SSPN: variants seen among roughly 807,000 people sequenced by gnomAD.
SSPN encodes the protein sarcospan, also known as K-ras oncogene-associated protein.
In SSPN, 15 loss-of-function variants were observed where a neutral mutation model predicts 19.1. That is an observed-to-expected ratio of 0.78 (90% CI 0.52 to 1.21). The LOEUF (loss-of-function observed/expected upper bound fraction) is 1.21. SSPN is among the 50% of genes most tolerant of loss of function. SSPN has a pLI of 0.00. For synonymous variants in SSPN, 147 were observed against 140.3 expected (o/e 1.05, Z -0.34); for missense variants, 291 against 314.0 (o/e 0.93, Z 0.55).
chr12:26,129,709 A>G (rs1221849452), intron 1 of SSPN, among the ~76,000 whole-genome samples: 1 of 152,276 alleles, frequency 6.6e-6, no homozygotes, highest in African/African-American at 2.4e-5. Flanking sequence ...GTCTGTAGCC[A>G]TAAACATACC....
At chr12:26,137,656 ATTTTTTTTT>A (rs10597345) in intron 1 of SSPN, among the ~76,000 whole-genome samples, 27 of 76,424 alleles carry the variant, frequency 3.5e-4, no homozygotes, top group African/African-American at 1.5e-3. Context: ...ATATATATAT[ATTTTTTTTT>A]TTTTTTTTTT....
Position 26,234,422 on chromosome 12 carries a change from CT to C in SSPN, c.*3347del, listed in dbSNP as rs1443661815. On this transcript the variant is annotated 3_prime_UTR_variant, in exon 3 of 3. Coordinates refer to ENST00000242729, the MANE Select transcript of SSPN (RefSeq NM_005086.5). The stretch of plus-strand genomic sequence containing the variant: ...CAGTTCTTGCTATTCTCAGAGCACT[CT>C]ATCATGTTTTTAGGTGTATATTGTG... The C allele has an allele frequency of 1.3e-5, 2 of 152,130 alleles. No individual in the cohort carries two copies. 9.4% of individuals were successfully genotyped at this position (152,130 alleles called of 1,614,324 possible). A position where few individuals can be genotyped will look rare whatever the true frequency, so the allele number is the denominator to read the frequency against.
intron 1 of SSPN, among the ~76,000 whole-genome samples, chr12:26,201,872 T>C (rs1420058135): frequency 1.3e-5 from 2 of 152,208 alleles, no homozygotes; most frequent in Non-Finnish European, 2.9e-5. Context: ...AATGTTGAAC[T>C]GAAATCTATT....
intron 1 of SSPN, among the ~76,000 whole-genome samples, chr12:26,198,901 C>T (rs1005922440): frequency 1.3e-5 from 2 of 152,202 alleles, no homozygotes; most frequent in Admixed American, 6.5e-5. Flanking sequence ...AGGAGCCCCA[C>T]CAAACCGAAG....
At chr12:26,230,442 A>C (rs1008068489) in intron 2 of SSPN, among the ~76,000 whole-genome samples, 2 of 152,220 alleles carry the variant, frequency 1.3e-5, no homozygotes, top group Non-Finnish European at 2.9e-5. Context: ...AACATTCCAC[A>C]GTCCAGCTAA....
At chr12:26,177,893 C>G (rs1248529723) in intron 1 of SSPN, among the ~76,000 whole-genome samples, 1 of 152,212 alleles carries the variant, frequency 6.6e-6, no homozygotes, top group Non-Finnish European at 1.5e-5. Context: ...CTAACGTCCA[C>G]TAACGACAGC....
intron 1 of SSPN, chr12:26,123,568 A>T: frequency 8.5e-7 from 1 of 1,171,174 alleles, no homozygotes; most frequent in Non-Finnish European, 1.3e-6. Flanking sequence ...GAGTCCTGAC[A>T]CTGCTCCCCT....
At chr12:26,228,594 C>T (rs1429036315) in intron 2 of SSPN, among the ~76,000 whole-genome samples, 1 of 151,884 alleles carries the variant, frequency 6.6e-6, no homozygotes, top group African/African-American at 2.4e-5. Context: ...TACCATTGTT[C>T]CCAGAGCAAA....
intron 1 of SSPN, among the ~76,000 whole-genome samples, chr12:26,219,334 T>A (rs1425423194): frequency 3.3e-5 from 5 of 151,900 alleles, no homozygotes; most frequent in African/African-American, 2.4e-5. Context: ...GGAAAAAAAA[T>A]AATAAGCAGG....
At chr12:26,145,502 C>T (rs377247892) in intron 1 of SSPN, among the ~76,000 whole-genome samples, 24 of 152,124 alleles carry the variant, frequency 1.6e-4, no homozygotes, top group Admixed American at 1.0e-3. Context: ...CAGTGGTGTC[C>T]GCTATGCCTG....
intron 1 of SSPN, among the ~76,000 whole-genome samples, chr12:26,214,566 C>A (rs1178940507): frequency 6.6e-6 from 1 of 152,204 alleles, no homozygotes; most frequent in Non-Finnish European, 1.5e-5. Flanking sequence ...AGTCAAGATG[C>A]AAACTTTAAT....
At chr12:26,230,318 C>T (rs1251234696) in intron 2 of SSPN, among the ~76,000 whole-genome samples, 1 of 152,206 alleles carries the variant, frequency 6.6e-6, no homozygotes, top group African/African-American at 2.4e-5. Context: ...ACTTCCTAGT[C>T]TTGTTTCAGT....
At chr12:26,182,617 CCCTTCCCTTCCCTTCCCTTCCCTTCCCT>C (rs1944726628) in intron 1 of SSPN, among the ~76,000 whole-genome samples, 1 of 134,512 alleles carries the variant, frequency 7.4e-6, no homozygotes, top group Non-Finnish European at 1.6e-5. Flanking sequence ...CCCTTCCCTT[CCCTTCCCTTCCCTTCCCTTCCCTTCCCT>C]TCCCTCCCCT....
At chr12:26,201,032 T>TATATATATAAATA (rs1944877230) in intron 1 of SSPN, among the ~76,000 whole-genome samples, 1 of 38,198 alleles carries the variant, frequency 2.6e-5, no homozygotes, top group African/African-American at 9.9e-5. Context: ...TATATATATA[T>TATATATATAAATA]ATATATATAT....
chr12:26,228,784 T>C (rs963293042), intron 2 of SSPN, among the ~76,000 whole-genome samples: 1 of 152,150 alleles, frequency 6.6e-6, no homozygotes, highest in Non-Finnish European at 1.5e-5. Flanking sequence ...TTCTTCCCCA[T>C]TGGTTCTACA....
chr12:26,151,581 G>A (rs1944525733), intron 1 of SSPN, among the ~76,000 whole-genome samples: 1 of 152,110 alleles, frequency 6.6e-6, no homozygotes, highest in Non-Finnish European at 1.5e-5. Context: ...CAGAGTTCTT[G>A]GGAGTAAATC....
chr12:26,190,309 A>G (rs1484692975), intron 1 of SSPN, among the ~76,000 whole-genome samples: 1 of 152,196 alleles, frequency 6.6e-6, no homozygotes, highest in Non-Finnish European at 1.5e-5. Flanking sequence ...TCTCAGAATC[A>G]GTTAGTCTAA....
At position 26,123,158 on chromosome 12, in the gene SSPN, A is replaced by G. The variant is rs1409129104; in HGVS notation, c.-31+1006A>G. On this transcript the variant is annotated intron_variant, in intron 1 of 2. Coordinates refer to the SSPN transcript ENST00000538142. ...AGTCGGACTGAATGGGCGATTTCAG[A>G]GATCGCTCCCCTAGGATGAGGAAGG... 11 of 1,593,846 alleles carry G rather than the reference A, an allele frequency of 6.9e-6. No individual in the cohort carries two copies. In the South Asian group the frequency reaches 1.2e-4, roughly 18 times the overall value.
chr12:26,175,227 A>G (rs1944676851), intron 1 of SSPN, among the ~76,000 whole-genome samples: 1 of 152,220 alleles, frequency 6.6e-6, no homozygotes, highest in Non-Finnish European at 1.5e-5. Flanking sequence ...CAGTCTTTTC[A>G]ATTTTAGCTA....
Sources: allele counts gnomAD v4.1 joint callset (sites outside exome capture counted in the v4.1 genomes callset), GRCh38; gene constraint gnomAD v4.1.1; transcripts MANE v1.5; gene names NCBI Gene and HGNC (gene_info 2026-07-23, HGNC 2026-07-21).